Variants in SPATA13 observed in about 807,000 individuals in gnomAD.
SPATA13 encodes the protein spermatogenesis associated 13.
SPATA13 carries 50 observed loss-of-function variants against 104.0 expected under a neutral mutation model. That is an observed-to-expected ratio of 0.48 (90% CI 0.38 to 0.61). SPATA13 has a LOEUF of 0.61. Among genes scored for constraint, SPATA13 ranks in the 20% least tolerant of loss-of-function variants. SPATA13 has a pLI of 0.00. For missense variants in SPATA13, 1,524 were observed against 1,690.6 expected, an observed-to-expected ratio of 0.90 and a Z score of 1.73; for synonymous variants, 606 against 667.5, an observed-to-expected ratio of 0.91 and a Z score of 1.42.
At chr13:24,208,873 C>T (rs1336414448) in intron 1 of SPATA13, among the ~76,000 whole-genome samples, 3 of 152,202 alleles carry the variant, frequency 2.0e-5, no homozygotes, top group African/African-American at 7.2e-5. Context: ...GAGGTGAATA[C>T]TGTATTCACT....
Position 24,077,964 on chromosome 13 carries a change from C to T in SPATA13, c.-112+60263C>T, listed in dbSNP as rs143139976. ...CCCCAGGCTTGATCTCAGCCTTGAT[C>T]TGAGGACCTTCAAGGCTTGGCCTGC... On this transcript the variant is annotated intron_variant, in intron 3 of 14. Transcript: ENST00000424834. 7.0e-3 allele frequency among the ~76,000 whole-genome samples: 1,060 copies of T among 152,288 alleles called. 1 individual carries two copies. Among genetic ancestry groups the T allele is most frequent in the Non-Finnish European group, 0.011 (746 of 68,020 alleles).
intron 3 of SPATA13, among the ~76,000 whole-genome samples, chr13:24,039,429 G>T (rs1012310446): frequency 3.3e-5 from 5 of 152,178 alleles, no homozygotes; most frequent in African/African-American, 7.2e-5. Context: ...AAGCAGATTC[G>T]CAGCTTCTCA....
intron 3 of SPATA13, 122 bp downstream of exon 3, chr13:24,249,964 C>T (rs1260955327): frequency 1.1e-5 from 14 of 1,282,684 alleles, no homozygotes; most frequent in Non-Finnish European, 1.5e-5. Context: ...GCACCATGTA[C>T]TTAACCACCT....
At chr13:24,107,725 T>C (rs1880500017) in intron 3 of SPATA13, among the ~76,000 whole-genome samples, 1 of 152,152 alleles carries the variant, frequency 6.6e-6, no homozygotes, top group East Asian at 1.9e-4. Flanking sequence ...AAGAAAGAAA[T>C]GGGAGTTCCC....
rs35400287 is a variant in SPATA13 at position 24,142,110 on chromosome 13, GTT to G, written c.-111-80698_-111-80697del. 2.2e-3 allele frequency among the ~76,000 whole-genome samples: 332 copies of G among 148,472 alleles called. 6 individuals are homozygous for G. In the East Asian group the frequency reaches 0.038, roughly 17 times the overall value. ...CAGTATTAATCATTTGTAGGGAAAG[GTT>G]TTTTTTTTTTAGCTTTTTTATGCTA... On this transcript the variant is annotated intron_variant, in intron 3 of 14. Transcript: ENST00000424834.
In SPATA13 at chr13:24,223,673, C is replaced by T. The variant is rs376348954; in HGVS notation, c.744C>T (p.Gly248=). The T allele has an allele frequency of 1.3e-6, 2 of 1,552,090 alleles. No homozygotes were observed. The highest frequency in any genetic ancestry group is 1.4e-5 in the African/African-American group (1 of 73,058). The change falls in exon 2 of 13, where the codon GGC becomes GGT. Residue 248 remains glycine, a synonymous_variant. Transcript: ENST00000382108. ...GGGACCCTGAAAACAACAGCATGGG[C>T]TACAGGAGGAGCAAGAGCACGGACA... The part of the protein sequence containing the change: ...LVRDPENNSM[G]YRRSKSTDNL...
At chr13:24,218,876 TTAATC>T (rs1258543568) in intron 1 of SPATA13, among the ~76,000 whole-genome samples, 2 of 152,072 alleles carry the variant, frequency 1.3e-5, no homozygotes, top group African/African-American at 2.4e-5. Context: ...TTTTGTACAT[TTAATC>T]TGTTCTATAT....
intron 3 of SPATA13, among the ~76,000 whole-genome samples, chr13:24,028,513 C>A (rs1160224950): frequency 6.6e-6 from 1 of 152,188 alleles, no homozygotes; most frequent in East Asian, 1.9e-4. Context: ...AAGGTCCTAT[C>A]TTTTCTCTTT....
At chr13:24,063,813 C>A (rs910003726) in intron 3 of SPATA13, among the ~76,000 whole-genome samples, 7 of 152,200 alleles carry the variant, frequency 4.6e-5, no homozygotes, top group African/African-American at 1.7e-4. Flanking sequence ...TAGTCGCTGT[C>A]CTGAATTTGT....
rs1033062862 is a variant in SPATA13 at position 24,305,339 on chromosome 13, T to G, written c.*2566T>G. ...CGTTGCCCCTGTCAGTTTTATAGAGTGTGAGGGTCACTCCATTAAAGATCT... is the reference window on the plus strand; with the variant it reads ...CGTTGCCCCTGTCAGTTTTATAGAGGGTGAGGGTCACTCCATTAAAGATCT... On this transcript the variant is annotated 3_prime_UTR_variant, in exon 13 of 13. Transcript: ENST00000382108. The G allele has an allele frequency of 6.6e-6, 1 of 152,124 alleles. No homozygotes were observed. The highest frequency in any genetic ancestry group is 1.5e-5 in the Non-Finnish European group (1 of 67,994). The allele number at this position is 152,124 out of a possible 1,614,324, so 9.4% of individuals were successfully genotyped here. A position where few individuals can be genotyped will look rare whatever the true frequency, so the allele number is the denominator to read the frequency against.
intron 3 of SPATA13, among the ~76,000 whole-genome samples, chr13:24,074,741 T>C (rs200777439): frequency 2.6e-5 from 4 of 152,318 alleles, no homozygotes; most frequent in South Asian, 2.1e-4. Context: ...CAGAGTTTAA[T>C]TGAGCAGAGG....
At chr13:24,104,422 C>T (rs1209500522) in intron 3 of SPATA13, among the ~76,000 whole-genome samples, 3 of 152,080 alleles carry the variant, frequency 2.0e-5, no homozygotes, top group African/African-American at 4.8e-5. Flanking sequence ...GGCATAAATC[C>T]GCTAATCCTT....
At chr13:24,224,628 GA>G (rs1160906136) in intron 2 of SPATA13, 46 bp downstream of exon 2, 1 of 1,532,450 alleles carries the variant, frequency 6.5e-7, no homozygotes, top group Non-Finnish European at 8.7e-7. Flanking sequence ...CCTCCTGCGG[GA>G]AGGGAGCTTG....
At chr13:24,099,090 A>G (rs924043155) in intron 3 of SPATA13, among the ~76,000 whole-genome samples, 2 of 152,136 alleles carry the variant, frequency 1.3e-5, no homozygotes, top group Non-Finnish European at 2.9e-5. Flanking sequence ...GTCTCTAAGA[A>G]ATTTAAAAAT....
chr13:24,122,188 C>T (rs1881050885), intron 3 of SPATA13: 1 of 1,534,478 alleles, frequency 6.5e-7, no homozygotes, highest in Non-Finnish European at 9.0e-7. Context: ...TTTGATCAGC[C>T]AGCATTGCTA....
chr13:24,212,472 A>G (rs1005266570), intron 1 of SPATA13, among the ~76,000 whole-genome samples: 9 of 152,258 alleles, frequency 5.9e-5, no homozygotes, highest in Non-Finnish European at 1.2e-4. Flanking sequence ...CCCAGGGGCA[A>G]CTGAGGCATT....
intron 1 of SPATA13, among the ~76,000 whole-genome samples, chr13:24,180,918 G>C (rs1029328329): frequency 6.6e-6 from 1 of 152,088 alleles, no homozygotes; most frequent in Non-Finnish European, 1.5e-5. Flanking sequence ...CTTACACAAA[G>C]CTAGATGGTA....
chr13:24,234,296 G>A lies in SPATA13; in HGVS notation c.1653+9714G>A, dbSNP rs992770984. Reference sequence around the variant, plus strand: ...CTTAATTAGCACCTCATTTTAATTTGTGGATAGGAGGGCATAATTAGACCT... The same window carrying A: ...CTTAATTAGCACCTCATTTTAATTTATGGATAGGAGGGCATAATTAGACCT... On this transcript the variant is annotated intron_variant, in intron 2 of 12. Transcript: ENST00000382108. 3.7e-4 allele frequency among the ~76,000 whole-genome samples: 57 copies of A among 152,124 alleles called. 1 individual carries two copies. The highest frequency in any genetic ancestry group is 2.1e-3 in the Admixed American group (32 of 15,270).
In SPATA13 at chr13:24,037,221, G is replaced by C. The variant is rs541798322; in HGVS notation, c.-112+19520G>C. On this transcript the variant is annotated intron_variant, in intron 3 of 14. Transcript: ENST00000424834. ...CCTGTCATAGGGTGGGGGGAGGGGG[G>C]AGGGATGGCATTAGGAGATATACCT... 6.2e-3 allele frequency among the ~76,000 whole-genome samples: 624 copies of C among 100,562 alleles called. 7 individuals are homozygous for C. Among genetic ancestry groups the C allele is most frequent in the African/African-American group, 0.022 (570 of 25,670 alleles). The allele number at this position is 100,562 out of a possible 152,430, so 66.0% of individuals were successfully genotyped here.
Sources: allele counts gnomAD v4.1 joint callset (sites outside exome capture counted in the v4.1 genomes callset), GRCh38; gene constraint gnomAD v4.1.1; transcripts MANE v1.5; gene names NCBI Gene and HGNC (gene_info 2026-07-23, HGNC 2026-07-21).